Variants in ALOX12 observed in about 807,000 individuals in gnomAD.
ALOX12 encodes arachidonate 12-lipoxygenase, 12S type.
A neutral mutation model predicts 85.5 loss-of-function variants in ALOX12; 62 were observed. The observed-to-expected ratio is 0.73, with a 90% confidence interval of 0.59 to 0.90. ALOX12 has a LOEUF of 0.90. ALOX12 is among the 40% of genes least tolerant of loss of function. ALOX12 has a pLI of 0.00. For missense variants in ALOX12, 751 were observed against 856.5 expected (o/e 0.88, Z 1.54); for synonymous variants, 299 against 332.7 (o/e 0.90, Z 1.10).
At position 6,996,252 on chromosome 17, in the gene ALOX12, G is replaced by C. The variant is rs1416136731; in HGVS notation, c.135G>C (p.Glu45Asp). 1 of 1,237,860 alleles carries C rather than the reference G, an allele frequency of 8.1e-7. No homozygotes were observed. Among genetic ancestry groups the C allele is most frequent in the Non-Finnish European group, 1.0e-6 (1 of 985,482 alleles). The allele number at this position is 1,237,860 out of a possible 1,614,324, so 76.7% of individuals were successfully genotyped here. Residue 45 changes from glutamate (E) to aspartate (D), a missense_variant and splice_region_variant, in exon 1 of 14, where the codon GAG becomes GAC. Physicochemically the swap from Glu to Asp is conservative, Grantham distance 45. Transcript: ENST00000251535. ...TGCAGCTGCGGCCCGCGCGGGGCGAGGTCAGCGCGGGGAGCGAGGGGAGCT... is the reference window on the plus strand; with the variant it reads ...TGCAGCTGCGGCCCGCGCGGGGCGACGTCAGCGCGGGGAGCGAGGGGAGCT... ...LELQLRPARG[E>D]EEEFDHDVAE...
chr17:6,999,471 C>T lies in ALOX12; in HGVS notation c.807+5C>T, dbSNP rs757829809. ...CAACTGGAGAAAGAACTTCAGGTAC[C>T]TCTCCTTCCCCTGCCTGGCACTGTT... On this transcript the variant is annotated splice_donor_5th_base_variant and intron_variant, in intron 6 of 13. Transcript: ENST00000251535. The T allele has an allele frequency of 6.2e-7, 1 of 1,613,768 alleles. No homozygotes were observed. The highest frequency in any genetic ancestry group is 8.5e-7 in the Non-Finnish European group (1 of 1,179,702).
chr17:7,001,812 G>T lies in ALOX12; in HGVS notation c.1161+1G>T, dbSNP rs756762345. 6.2e-7 allele frequency: 1 copy of T among 1,613,062 alleles called. No individual in the cohort carries two copies. Among genetic ancestry groups the T allele is most frequent in the Non-Finnish European group, 8.5e-7 (1 of 1,179,192 alleles). On this transcript the variant is annotated splice_donor_variant, in intron 8 of 13. Transcript: ENST00000251535. LOFTEE classifies it high-confidence loss of function. The stretch of plus-strand genomic sequence containing the variant: ...CCCAGGACTGCACCCCATCTTCAAG[G>T]TACTTATTAATCTATTAAATCACAT...
rs974825328 is a variant in ALOX12, at chr17:7,005,725, C to T, written c.1249-133C>T. 3 of 889,748 alleles carry T rather than the reference C, an allele frequency of 3.4e-6. No individual in the cohort carries two copies. In the African/African-American group the frequency reaches 5.0e-5, roughly 15 times the overall value. 55.1% of individuals were successfully genotyped at this position (889,748 alleles called of 1,614,324 possible). On this transcript the variant is annotated intron_variant, in intron 9 of 13. Transcript: ENST00000251535. ...CGAACTCCTGACCTCATGATCCACC[C>T]ACCTCAGCCTCCCAAAGTGCTGTAT...
chr17:6,996,248 G>T lies in ALOX12; in HGVS notation c.131G>T (p.Gly44Val). 1 of 1,239,164 alleles carries T rather than the reference G, an allele frequency of 8.1e-7. No individual in the cohort carries two copies. 76.8% of individuals were successfully genotyped at this position (1,239,164 alleles called of 1,614,324 possible). ...GAGCTGCAGCTGCGGCCCGCGCGGG[G>T]CGAGGTCAGCGCGGGGAGCGAGGGG... is the stretch of plus-strand genomic sequence containing the variant. ...ELELQLRPARGEEEEFDHDVA... is the reference protein window; with the variant it reads ...ELELQLRPARVEEEEFDHDVA... The change falls in exon 1 of 14, where the codon GGC (glycine) becomes GTC (valine). Residue 44 changes from glycine to valine, a missense_variant. Physicochemically the swap from Gly to Val is moderately radical, Grantham distance 109. Transcript: ENST00000251535.
At chr17:7,008,694 C>T (rs1043773137) in intron 11 of ALOX12, among the ~76,000 whole-genome samples, 5 of 151,228 alleles carry the variant, frequency 3.3e-5, no homozygotes, top group Admixed American at 2.0e-4. Flanking sequence ...TACAGTGAGC[C>T]GAGATTGTGC....
At chr17:7,009,903 G>T in intron 12 of ALOX12, 53 bp from the exon 13 acceptor site, 1 of 1,613,962 alleles carries the variant, frequency 6.2e-7, no homozygotes, top group Middle Eastern at 1.6e-4. Context: ...AGGGAGAGAT[G>T]GGAGTTCAAA....
At chr17:7,004,866 CAATG>C (rs1908957670) in intron 8 of ALOX12, among the ~76,000 whole-genome samples, 1 of 152,134 alleles carries the variant, frequency 6.6e-6, no homozygotes, top group Non-Finnish European at 1.5e-5. Flanking sequence ...AAGGTAGAAA[CAATG>C]AAGCAGACAG....
At chr17:7,007,524 C>T (rs376543224) in intron 11 of ALOX12, among the ~76,000 whole-genome samples, 6 of 152,356 alleles carry the variant, frequency 3.9e-5, no homozygotes, top group African/African-American at 1.2e-4. Context: ...CCTACCCTTC[C>T]AGGACCAAAC....
At chr17:7,005,513 C>T (rs1344562967) in intron 9 of ALOX12, among the ~76,000 whole-genome samples, 170 bp downstream of exon 9, 1 of 116,916 alleles carries the variant, frequency 8.6e-6, no homozygotes, top group Non-Finnish European at 1.6e-5. Flanking sequence ...CAGAGTCTAG[C>T]TCTGTCGCCC....
chr17:7,008,552 C>T (rs1431111182), intron 11 of ALOX12, among the ~76,000 whole-genome samples: 1 of 152,184 alleles, frequency 6.6e-6, no homozygotes, highest in Non-Finnish European at 1.5e-5. Context: ...TCCAGACCAG[C>T]CTAGCCAACA....
rs1965909299 is a variant in ALOX12 at position 7,001,654 on chromosome 17, A to T, written c.1004A>T (p.Asp335Val). The T allele has an allele frequency of 6.2e-7, 1 of 1,613,914 alleles. No homozygotes were observed. Among genetic ancestry groups the T allele is most frequent in the Non-Finnish European group, 8.5e-7 (1 of 1,179,986 alleles). Reference sequence around the variant, plus strand: ...ACCCCAACACTGTTCCTGCCCTCAGACCCCCCACTTGCCTGGCTCCTGGCA... The same window carrying T: ...ACCCCAACACTGTTCCTGCCCTCAGTCCCCCCACTTGCCTGGCTCCTGGCA... ...SPTPTLFLPS[D>V]PPLAWLLAKS... Residue 335 changes from aspartate to valine, a missense_variant, in exon 8 of 14, where the codon GAC becomes GTC. By Grantham distance (152) the Asp-to-Val change is radical (BLOSUM62 -3). Transcript: ENST00000251535.
chr17:6,998,927 G>T, intron 4 of ALOX12, 26 bp from the exon 5 acceptor site: 1 of 1,614,060 alleles, frequency 6.2e-7, no homozygotes, highest in Non-Finnish European at 8.5e-7. Context: ...ATCAGCTGAT[G>T]AGTTAAGCCT....
intron 6 of ALOX12, 64 bp downstream of exon 6, chr17:6,999,530 A>G: frequency 6.4e-7 from 1 of 1,565,084 alleles, no homozygotes. Context: ...ACGGACAGAG[A>G]GAATCCAAAC....
At chr17:7,003,113 C>G (rs368670561) in intron 8 of ALOX12, among the ~76,000 whole-genome samples, 7 of 152,184 alleles carry the variant, frequency 4.6e-5, no homozygotes, top group Non-Finnish European at 1.0e-4. Context: ...CTGCTCCACA[C>G]GAACAAGTGA....
At chr17:7,004,426 A>G (rs1366234796) in intron 8 of ALOX12, among the ~76,000 whole-genome samples, 1 of 145,654 alleles carries the variant, frequency 6.9e-6, no homozygotes, top group East Asian at 2.0e-4. Context: ...AATTGCTTCA[A>G]TATTAAATTA....
intron 8 of ALOX12, among the ~76,000 whole-genome samples, chr17:7,003,442 T>C (rs544327322): frequency 6.6e-6 from 1 of 152,302 alleles, no homozygotes; most frequent in East Asian, 1.9e-4. Flanking sequence ...TTTTTTTTTT[T>C]CAGAGACAAG....
At chr17:6,999,936 T>C (rs1267380637) in intron 6 of ALOX12, among the ~76,000 whole-genome samples, 1 of 152,144 alleles carries the variant, frequency 6.6e-6, no homozygotes, top group Non-Finnish European at 1.5e-5. Flanking sequence ...TCTGGAATAT[T>C]TGGCAGAGGA....
chr17:6,997,042 TC>T lies in ALOX12; in HGVS notation c.337+16del. 1 of 1,527,286 alleles carries T rather than the reference TC, an allele frequency of 6.5e-7. No homozygotes were observed. Among genetic ancestry groups the T allele is most frequent in the Non-Finnish European group, 8.8e-7 (1 of 1,134,364 alleles). The allele number at this position is 1,527,286 out of a possible 1,614,324, so 94.6% of individuals were successfully genotyped here. Reference sequence around the variant, plus strand: ...CGAGGGCACCGGTGAGCAGGCGGCGTCGGGGAAGGAGGCACAAGGTCTCGGG... The same window carrying T: ...CGAGGGCACCGGTGAGCAGGCGGCGTGGGGAAGGAGGCACAAGGTCTCGGG... On this transcript the variant is annotated intron_variant, in intron 2 of 13. Coordinates refer to ENST00000251535, the MANE Select transcript of ALOX12 (RefSeq NM_000697.3).
At position 7,005,408 on chromosome 17, in the gene ALOX12, C is replaced by T. The variant is rs181376156; in HGVS notation, c.1248+65C>T. On this transcript the variant is annotated intron_variant, in intron 9 of 13. Coordinates refer to ENST00000251535, the MANE Select transcript of ALOX12 (RefSeq NM_000697.3). Reference sequence around the variant, plus strand: ...CTCCATGATCTGCCACTTTCAGGATCCAAGATCAACTATGTGTGAATGTCC... The same window carrying T: ...CTCCATGATCTGCCACTTTCAGGATTCAAGATCAACTATGTGTGAATGTCC... 1,967 of 1,367,230 alleles carry T rather than the reference C, an allele frequency of 1.4e-3. 16 individuals are homozygous for T. Among genetic ancestry groups the T allele is most frequent in the Non-Finnish European group, 6.4e-4 (615 of 959,126 alleles). The allele number at this position is 1,367,230 out of a possible 1,614,324, so 84.7% of individuals were successfully genotyped here.
Sources: allele counts gnomAD v4.1 joint callset (sites outside exome capture counted in the v4.1 genomes callset), GRCh38; gene constraint gnomAD v4.1.1; transcripts MANE v1.5; gene names NCBI Gene and HGNC (gene_info 2026-07-23, HGNC 2026-07-21).